The following ADAMTS6 variants were observed in gnomAD, a reference collection of about 807,000 sequenced individuals.
ADAMTS6 encodes A disintegrin and metalloproteinase with thrombospondin motifs 6.
In ADAMTS6, 23 loss-of-function variants were observed where a neutral mutation model predicts 144.3. The observed-to-expected ratio is 0.16, with a 90% CI of 0.11 to 0.23. The LOEUF (loss-of-function observed/expected upper bound fraction) is 0.23, where lower values mean the gene tolerates loss of function less well. Among genes scored for constraint, ADAMTS6 ranks in the 10% least tolerant of loss-of-function variants. The pLI is 1.00. For missense variants in ADAMTS6, 999 were observed against 1,379.6 expected (o/e 0.72, Z 4.37); for synonymous variants, 444 against 457.5 (o/e 0.97, Z 0.38).
chr5:65,369,920 C>G (rs1750684035), intron 7 of ADAMTS6, among the ~76,000 whole-genome samples: 1 of 152,074 alleles, frequency 6.6e-6, no homozygotes. Flanking sequence ...GATAATAGAA[C>G]TAACTTCCTA....
At position 65,254,155 on chromosome 5, in the gene ADAMTS6, G is replaced by A. The variant is rs114042438; in HGVS notation, c.1830+6445C>T. Among the ~76,000 whole-genome samples, 1,226 of 151,966 alleles carry A rather than the reference G, an allele frequency of 8.1e-3. 13 individuals are homozygous for A. Among genetic ancestry groups the A allele is most frequent in the African/African-American group, 0.027 (1,107 of 41,466 alleles). ...CCACCACGCCCGGCCACATTACTCA[G>A]TCTTAACTCCAATCACCTCACCTTT... On this transcript the variant is annotated intron_variant, in intron 14 of 24. Transcript: ENST00000381055.
chr5:65,300,188 T>A, intron 9 of ADAMTS6, 57 bp from the exon 10 acceptor site: 7 of 1,523,010 alleles, frequency 4.6e-6, no homozygotes, highest in Non-Finnish European at 6.3e-6. Context: ...CCCCAACACA[T>A]CCCTTATTTC....
rs573067282 is a variant in ADAMTS6 at position 65,372,203 on chromosome 5, G to A, written c.1074-38118C>T. The stretch of plus-strand genomic sequence containing the variant: ...GTAAAGACCATCTGCATCAACTACC[G>A]AGCAAAATAACCAGCTAACATCATA... On this transcript the variant is annotated intron_variant, in intron 7 of 24. Coordinates refer to ENST00000381055, the MANE Select transcript of ADAMTS6 (RefSeq NM_197941.4). Among the ~76,000 whole-genome samples, 29 of 136,694 alleles carry A rather than the reference G, an allele frequency of 2.1e-4. 5 individuals are homozygous for A. Among genetic ancestry groups the A allele is most frequent in the African/African-American group, 8.0e-4 (24 of 30,066 alleles). The allele number at this position is 136,694 out of a possible 152,430, so 89.7% of individuals were successfully genotyped here.
At position 65,427,989 on chromosome 5, in the gene ADAMTS6, GC is replaced by G. The variant is rs1756689923; in HGVS notation, c.1073+23485del. Among the ~76,000 whole-genome samples, 3 of 152,056 alleles carry G rather than the reference GC, an allele frequency of 2.0e-5. No homozygotes were observed. In the South Asian group the frequency reaches 6.2e-4, roughly 32 times the overall value. On this transcript the variant is annotated intron_variant, in intron 7 of 24. Coordinates refer to ENST00000381055, the MANE Select transcript of ADAMTS6 (RefSeq NM_197941.4). The stretch of plus-strand genomic sequence containing the variant: ...ACCTATAATCCCAGCACTTTGGGAG[GC>G]TGAGACAGGTGGATCACCTGAGGTC...
At chr5:65,422,775 C>T (rs1361966947) in intron 7 of ADAMTS6, among the ~76,000 whole-genome samples, 2 of 152,054 alleles carry the variant, frequency 1.3e-5, no homozygotes, top group Non-Finnish European at 2.9e-5. Flanking sequence ...ATTATTTGAT[C>T]CAGCAATCCC....
Position 65,376,228 on chromosome 5 carries a change from T to A in ADAMTS6, c.1074-42143A>T, listed in dbSNP as rs556455338. Among the ~76,000 whole-genome samples the A allele has an allele frequency of 6.6e-5, 10 of 152,172 alleles. No individual in the cohort carries two copies. In the South Asian group the frequency reaches 1.9e-3, roughly 28 times the overall value. ...TATACATATGTAACTAACCTGCACA[T>A]TGTGCACATGTACCCTAAAACTTAA... On this transcript the variant is annotated intron_variant, in intron 7 of 24. Transcript: ENST00000381055.
chr5:65,293,047 A>G (rs1391967518), intron 10 of ADAMTS6, among the ~76,000 whole-genome samples: 1 of 152,042 alleles, frequency 6.6e-6, no homozygotes, highest in Non-Finnish European at 1.5e-5. Context: ...AAGGATATGC[A>G]AACTTTAGGC....
chr5:65,354,242 C>T (rs1749118604), intron 7 of ADAMTS6, among the ~76,000 whole-genome samples: 1 of 151,750 alleles, frequency 6.6e-6, no homozygotes, highest in African/African-American at 2.4e-5. Context: ...AGAGCAGAGG[C>T]AATGATTTCT....
intron 22 of ADAMTS6, among the ~76,000 whole-genome samples, chr5:65,180,124 G>A (rs942540393): frequency 7.2e-5 from 11 of 152,122 alleles, no homozygotes; most frequent in East Asian, 1.9e-4. Flanking sequence ...GGTGAACACC[G>A]TGCACATGTA....
intron 15 of ADAMTS6, among the ~76,000 whole-genome samples, chr5:65,233,014 T>C (rs1008501395): frequency 6.6e-6 from 1 of 152,066 alleles, no homozygotes; most frequent in African/African-American, 2.4e-5. Context: ...TCAAGTAGGG[T>C]TTATCCTGAG....
intron 7 of ADAMTS6, among the ~76,000 whole-genome samples, chr5:65,344,283 C>G (rs1477666755): frequency 1.3e-5 from 2 of 151,860 alleles, no homozygotes; most frequent in Non-Finnish European, 2.9e-5. Context: ...CATTACTATT[C>G]CAACCCTTTT....
At chr5:65,323,612 T>A (rs1001122639) in intron 9 of ADAMTS6, among the ~76,000 whole-genome samples, 1 of 152,290 alleles carries the variant, frequency 6.6e-6, no homozygotes, top group Non-Finnish European at 1.5e-5. Context: ...GCATGATTTA[T>A]AATCCTTTGG....
intron 4 of ADAMTS6, among the ~76,000 whole-genome samples, chr5:65,457,143 G>T (rs556644809): frequency 1.3e-5 from 2 of 152,274 alleles, no homozygotes. Flanking sequence ...AGAACATAGG[G>T]AAATACTATT....
At chr5:65,392,936 A>G (rs946000572) in intron 7 of ADAMTS6, among the ~76,000 whole-genome samples, 7 of 152,198 alleles carry the variant, frequency 4.6e-5, no homozygotes, top group Non-Finnish European at 7.4e-5. Flanking sequence ...TGTGAGTAGT[A>G]TACTCTAAAT....
chr5:65,369,254 A>G (rs1467247186), intron 7 of ADAMTS6, among the ~76,000 whole-genome samples: 1 of 152,140 alleles, frequency 6.6e-6, no homozygotes, highest in East Asian at 1.9e-4. Flanking sequence ...AGAAATAATT[A>G]CGCCAAAATT....
At chr5:65,321,828 G>A (rs1408314639) in intron 9 of ADAMTS6, among the ~76,000 whole-genome samples, 1 of 144,398 alleles carries the variant, frequency 6.9e-6, no homozygotes, top group Non-Finnish European at 1.5e-5. Flanking sequence ...CAATTCTCCT[G>A]CCTCAGCCTC....
chr5:65,447,136 T>C (rs1758333624), intron 7 of ADAMTS6, among the ~76,000 whole-genome samples: 1 of 152,138 alleles, frequency 6.6e-6, no homozygotes, highest in African/African-American at 2.4e-5. Flanking sequence ...TTGCTAAACA[T>C]TGATGCAAAT....
chr5:65,266,743 A>G (rs1761654867), intron 12 of ADAMTS6, among the ~76,000 whole-genome samples: 2 of 151,984 alleles, frequency 1.3e-5, no homozygotes, highest in South Asian at 2.1e-4. Flanking sequence ...TTAAAAACCT[A>G]CGGAACAACT....
At chr5:65,260,335 G>A (rs772691201) in intron 14 of ADAMTS6, among the ~76,000 whole-genome samples, 16 of 152,050 alleles carry the variant, frequency 1.1e-4, no homozygotes, top group Non-Finnish European at 1.8e-4. Context: ...TGAGTGTGTG[G>A]GGCAGGGCAG....
Sources: allele counts gnomAD v4.1 joint callset (sites outside exome capture counted in the v4.1 genomes callset), GRCh38; gene constraint gnomAD v4.1.1; transcripts MANE v1.5; gene names NCBI Gene and HGNC (gene_info 2026-07-23, HGNC 2026-07-21).